The following GALE variants were observed in gnomAD, a reference collection of about 807,000 sequenced individuals.
GALE encodes the protein UDP-galactose-4-epimerase, also known as UDP-glucose 4-epimerase.
A neutral mutation model predicts 44.1 loss-of-function variants in GALE; 32 were observed. The observed-to-expected ratio is 0.73, with a 90% CI of 0.55 to 0.97. The LOEUF is 0.97. GALE is among the 50% of genes least tolerant of loss of function. The probability of loss-of-function intolerance (pLI) is 0.00; values close to 1 mark genes in which losing one functional copy is unlikely to be tolerated. For missense variants in GALE, 423 were observed against 455.6 expected, an observed-to-expected ratio of 0.93 and a Z score of 0.65; for synonymous variants, 182 against 183.5, an observed-to-expected ratio of 0.99 and a Z score of 0.06.
chr1:23,797,314 G>T (rs1638990761), intron 6 of GALE, among the ~76,000 whole-genome samples, 167 bp from the exon 7 acceptor site: 1 of 152,138 alleles, frequency 6.6e-6, no homozygotes, highest in African/African-American at 2.4e-5. Context: ...TGCCTTCCAG[G>T]TTCAAGCAAT....
intron 1 of GALE, 86 bp from the exon 2 acceptor site, chr1:23,799,522 G>A (rs1639065218): frequency 4.7e-6 from 1 of 213,112 alleles, no homozygotes; most frequent in African/African-American, 2.3e-5. Flanking sequence ...CTTGTCCAAT[G>A]CCTCCGCCTT....
In GALE at chr1:23,795,630, A is replaced by T. The variant is rs916230731; in HGVS notation, c.*319T>A. ...GTAAGAAAACTTGTTTTTATTTTTA[A>T]ATACTTTGGAAAGCTCTTTCAGAGC... On this transcript the variant is annotated 3_prime_UTR_variant, in exon 12 of 12. Coordinates refer to ENST00000617979, the MANE Select transcript of GALE (RefSeq NM_001008216.2). The T allele has an allele frequency of 6.2e-6, 3 of 484,952 alleles. No individual in the cohort carries two copies. Among genetic ancestry groups the T allele is most frequent in the African/African-American group, 5.8e-5 (3 of 51,608 alleles). 30.0% of individuals were successfully genotyped at this position (484,952 alleles called of 1,614,324 possible).
Position 23,795,715 on chromosome 1 carries a change from C to A in GALE, c.*234G>T, listed in dbSNP as rs572388199. 6 of 601,638 alleles carry A rather than the reference C, an allele frequency of 1.0e-5. No individual in the cohort carries two copies. The highest frequency in any genetic ancestry group is 4.4e-4 in the Middle Eastern group (1 of 2,270). 37.3% of individuals were successfully genotyped at this position (601,638 alleles called of 1,614,324 possible). ...TGCCAGAGCCTTGCCCCCTCACTCACTCTTGGGGGTCCTGATGAACTCTTG... is the reference window on the plus strand; with the variant it reads ...TGCCAGAGCCTTGCCCCCTCACTCAATCTTGGGGGTCCTGATGAACTCTTG... On this transcript the variant is annotated 3_prime_UTR_variant, in exon 12 of 12. Coordinates refer to ENST00000617979, the MANE Select transcript of GALE (RefSeq NM_001008216.2).
At position 23,796,766 on chromosome 1, in the gene GALE, G is replaced by C; in HGVS notation, c.726C>G (p.Ile242Met). ...TEDGTGVRDY[I>M]HVVDLAKGHI... ...GGCCCTTGGCCAGATCCACGACATGGATGTAATCCCGGACACCTGCAGAGA... is the reference window on the plus strand; with the variant it reads ...GGCCCTTGGCCAGATCCACGACATGCATGTAATCCCGGACACCTGCAGAGA... The change falls in exon 9 of 12, where the codon ATC (isoleucine) becomes ATG (methionine). Residue 242 changes from isoleucine (I) to methionine (M), a missense_variant. Transcript: ENST00000617979. This position sits in a 1 kb window ranked among gnomAD's most constrained non-coding sequence, Gnocchi z 5.2. 2 of 1,611,676 alleles carry C rather than the reference G, an allele frequency of 1.2e-6. No individual in the cohort carries two copies.
Position 23,797,800 on chromosome 1 carries a change from G to A in GALE, c.423C>T (p.Tyr141=), listed in dbSNP as rs138518245. The A allele has an allele frequency of 4.3e-4, 687 of 1,614,162 alleles. 1 individual carries two copies. The highest frequency in any genetic ancestry group is 5.2e-4 in the Non-Finnish European group (614 of 1,179,984). Residue 141 remains tyrosine, a synonymous_variant, in exon 6 of 12, where the codon TAC becomes TAT. Transcript: ENST00000617979. ...TGGGGTGGGCCTCATCAAGGGGCAGGTACTGGGGGTTCCCGTACACAGTGG... is the reference window on the plus strand; with the variant it reads ...TGGGGTGGGCCTCATCAAGGGGCAGATACTGGGGGTTCCCGTACACAGTGG... ...SSATVYGNPQ[Y]LPLDEAHPTG...
Position 23,798,498 on chromosome 1 carries a change from G to T in GALE, c.237+117C>A. 1.3e-6 allele frequency: 1 copy of T among 788,858 alleles called. No individual in the cohort carries two copies. Among genetic ancestry groups the T allele is most frequent in the Non-Finnish European group, 2.2e-6 (1 of 456,626 alleles). 48.9% of individuals were successfully genotyped at this position (788,858 alleles called of 1,614,324 possible). A position where few individuals can be genotyped will look rare whatever the true frequency, so the allele number is the denominator to read the frequency against. On this transcript the variant is annotated intron_variant, in intron 4 of 11. Coordinates refer to ENST00000617979, the MANE Select transcript of GALE (RefSeq NM_001008216.2). The surrounding 1 kb of genome is among the most constrained non-coding windows in gnomAD (Gnocchi z 4.5). ...TTTTGTATTTTTCTGTAGAGATGGGGTTTCACTGTGTTGAGCAGGCTGGTC... is the reference window on the plus strand; with the variant it reads ...TTTTGTATTTTTCTGTAGAGATGGGTTTTCACTGTGTTGAGCAGGCTGGTC...
intron 6 of GALE, 85 bp from the exon 7 acceptor site, chr1:23,797,232 GT>G: frequency 4.2e-6 from 4 of 957,016 alleles, no homozygotes; most frequent in Non-Finnish European, 4.9e-6. Context: ...TGCCTATTCT[GT>G]TTTTTTGAGA....
Position 23,796,757 on chromosome 1 carries a change from C to T in GALE, c.735G>A (p.Val245=). The change falls in exon 9 of 12, where the codon GTG becomes GTA. Residue 245 remains valine, a synonymous_variant. Coordinates refer to ENST00000617979, the MANE Select transcript of GALE (RefSeq NM_001008216.2). The surrounding 1 kb of genome is among the most constrained non-coding windows in gnomAD (Gnocchi z 5.2). ...CTGCAATGTGGCCCTTGGCCAGATC[C>T]ACGACATGGATGTAATCCCGGACAC... ...GTGVRDYIHV[V]DLAKGHIAAL... is the part of the protein sequence containing the mutation. 1 of 1,611,996 alleles carries T rather than the reference C, an allele frequency of 6.2e-7. No homozygotes were observed. Among genetic ancestry groups the T allele is most frequent in the Non-Finnish European group, 8.5e-7 (1 of 1,178,976 alleles).
rs1451189843 is a variant in GALE at position 23,798,274 on chromosome 1, C to T, written c.238-44G>A. The stretch of plus-strand genomic sequence containing the variant: ...CAGAGGTTGCTCTACTGGTTTTAGT[C>T]CTTGGCAATGCCCTCAGCCTGCCTG... On this transcript the variant is annotated intron_variant, in intron 4 of 11. Transcript: ENST00000617979. The surrounding 1 kb of genome is among the most constrained non-coding windows in gnomAD (Gnocchi z 4.5). 7.1e-7 allele frequency: 1 copy of T among 1,404,816 alleles called. No homozygotes were observed. The allele number at this position is 1,404,816 out of a possible 1,614,324, so 87.0% of individuals were successfully genotyped here. A position where few individuals can be genotyped will look rare whatever the true frequency, so the allele number is the denominator to read the frequency against.
intron 1 of GALE, chr1:23,800,505 G>A (rs1318610857): frequency 6.6e-6 from 1 of 152,480 alleles, no homozygotes; most frequent in Non-Finnish European, 1.5e-5. Context: ...GTAGCGCGGA[G>A]CGGGGCCGAG....
At position 23,798,766 on chromosome 1, in the gene GALE, T is replaced by C. The variant is rs766760839; in HGVS notation, c.122-36A>G. The C allele has an allele frequency of 1.9e-6, 3 of 1,605,986 alleles. No homozygotes were observed. The highest frequency in any genetic ancestry group is 2.6e-6 in the Non-Finnish European group (3 of 1,172,658). ...ACATGTAGGCCACATCATCACGACA[T>C]GGGGTGCTGTGTTCCCAGGGACTAG... On this transcript the variant is annotated intron_variant, in intron 3 of 11. Coordinates refer to ENST00000617979, the MANE Select transcript of GALE (RefSeq NM_001008216.2). This position sits in a 1 kb window ranked among gnomAD's most constrained non-coding sequence, Gnocchi z 4.5.
Position 23,798,719 on chromosome 1 carries a change from G to A in GALE, c.133C>T (p.Leu45=). 6.2e-7 allele frequency: 1 copy of A among 1,613,952 alleles called. No homozygotes were observed. The highest frequency in any genetic ancestry group is 8.5e-7 in the Non-Finnish European group (1 of 1,179,848). The change falls in exon 4 of 12, where the codon CTG becomes TTG. Residue 45 remains leucine (L), a synonymous_variant. Coordinates refer to ENST00000617979, the MANE Select transcript of GALE (RefSeq NM_001008216.2). This position sits in a 1 kb window ranked among gnomAD's most constrained non-coding sequence, Gnocchi z 4.5. ...TGGACCCGCCGCAGGCTCTCAGGCA[G>A]GGAGCCCCCTCCTGGTAGGGTACAT... ...FHNAFRGGGS[L]PESLRRVQEL...
Position 23,798,935 on chromosome 1 carries a change from C to G in GALE, c.73G>C (p.Ala25Pro). 1 of 1,614,212 alleles carries G rather than the reference C, an allele frequency of 6.2e-7. No individual in the cohort carries two copies. Among genetic ancestry groups the G allele is most frequent in the Non-Finnish European group, 8.5e-7 (1 of 1,180,046 alleles). The change falls in exon 3 of 12, where the codon GCT (alanine) becomes CCT (proline). Residue 25 changes from alanine (A) to proline (P), a missense_variant. Coordinates refer to ENST00000617979, the MANE Select transcript of GALE (RefSeq NM_001008216.2). This position sits in a 1 kb window ranked among gnomAD's most constrained non-coding sequence, Gnocchi z 4.5. ...GSHTVLELLEAGYLPVVIDNF... is the reference protein window; with the variant it reads ...GSHTVLELLEPGYLPVVIDNF... The stretch of plus-strand genomic sequence containing the variant: ...TCGATGACCACAGGCAAGTAGCCAG[C>G]CTCCAGCAGCTCCAGCACCGTGTGG...
chr1:23,796,080 TGGGTGGGCATGCCCAGA>T lies in GALE; in HGVS notation c.988+54_988+70del. 6.4e-7 allele frequency: 1 copy of T among 1,559,696 alleles called. No individual in the cohort carries two copies. The highest frequency in any genetic ancestry group is 8.8e-7 in the Non-Finnish European group (1 of 1,131,344). On this transcript the variant is annotated intron_variant, in intron 11 of 11. Coordinates refer to ENST00000617979, the MANE Select transcript of GALE (RefSeq NM_001008216.2). The surrounding 1 kb of genome is among the most constrained non-coding windows in gnomAD (Gnocchi z 5.2). ...GCCTCCCCCACCCCACAGCCCGCCCTGGGTGGGCATGCCCAGATCTGATTTAGCCCCTCCCTGGCCCC... is the reference window on the plus strand; with the variant it reads ...GCCTCCCCCACCCCACAGCCCGCCCTTCTGATTTAGCCCCTCCCTGGCCCC...
Position 23,796,495 on chromosome 1 carries a change from GC to G in GALE, c.873+13del, listed in dbSNP as rs749620338. ...GGGTGAGGTGGGTGAGGTGGGTGGGGCGGGGGGGCCTACCTTCTTCCCAGAG... is the reference window on the plus strand; with the variant it reads ...GGGTGAGGTGGGTGAGGTGGGTGGGGGGGGGGGCCTACCTTCTTCCCAGAG... On this transcript the variant is annotated intron_variant, in intron 10 of 11. Coordinates refer to ENST00000617979, the MANE Select transcript of GALE (RefSeq NM_001008216.2). This position sits in a 1 kb window ranked among gnomAD's most constrained non-coding sequence, Gnocchi z 5.2. 16 of 1,605,304 alleles carry G rather than the reference GC, an allele frequency of 1.0e-5. No homozygotes were observed. Among genetic ancestry groups the G allele is most frequent in the African/African-American group, 2.7e-5 (2 of 73,868 alleles).
In GALE at chr1:23,797,846, T is replaced by G. The variant is rs1570633153; in HGVS notation, c.377A>C (p.Asn126Thr). 6.2e-7 allele frequency: 1 copy of G among 1,614,150 alleles called. No individual in the cohort carries two copies. The highest frequency in any genetic ancestry group is 1.1e-5 in the South Asian group (1 of 91,082). The part of the protein sequence containing the change: ...LEIMKAHGVK[N>T]LVFSSSATVY... Reference sequence around the variant, plus strand: ...AGTGGCTGAGCTGCTGAACACCAGGTTCTTCACCCCGTGGGCCTTCATGAT... The same window carrying G: ...AGTGGCTGAGCTGCTGAACACCAGGGTCTTCACCCCGTGGGCCTTCATGAT... The change falls in exon 6 of 12, where the codon AAC (asparagine) becomes ACC (threonine). Residue 126 changes from asparagine to threonine, a missense_variant. Coordinates refer to ENST00000617979, the MANE Select transcript of GALE (RefSeq NM_001008216.2).
chr1:23,797,624 C>T (rs923434667), intron 6 of GALE, 71 bp downstream of exon 6: 2 of 1,486,438 alleles, frequency 1.3e-6, no homozygotes, highest in Non-Finnish European at 1.9e-6. Flanking sequence ...GAATCCCACC[C>T]CTGGGCTCAG....
rs1347799778 is a variant in GALE at position 23,798,445 on chromosome 1, C to T, written c.237+170G>A. On this transcript the variant is annotated intron_variant, in intron 4 of 11. Coordinates refer to ENST00000617979, the MANE Select transcript of GALE (RefSeq NM_001008216.2). The surrounding 1 kb of genome is among the most constrained non-coding windows in gnomAD (Gnocchi z 4.5). ...CCAGCCTCCCGAGTAGCTGGGACCACAGGTATGGGCTACCATGCCCAGCTA... is the reference window on the plus strand; with the variant it reads ...CCAGCCTCCCGAGTAGCTGGGACCATAGGTATGGGCTACCATGCCCAGCTA... The T allele has an allele frequency of 2.2e-5, 15 of 691,528 alleles. No individual in the cohort carries two copies. The highest frequency in any genetic ancestry group is 3.3e-5 in the Non-Finnish European group (13 of 390,128). The allele number at this position is 691,528 out of a possible 1,614,324, so 42.8% of individuals were successfully genotyped here.
chr1:23,798,341 G>A lies in GALE; in HGVS notation c.238-111C>T, dbSNP rs1281287270. On this transcript the variant is annotated intron_variant, in intron 4 of 11. Transcript: ENST00000617979. This position sits in a 1 kb window ranked among gnomAD's most constrained non-coding sequence, Gnocchi z 4.5. ...TTTTTTTTTTTGACAGTCTCGCTCT[G>A]TTGTCCAGGCTGGAGTACAGTGGTG... The A allele has an allele frequency of 7.6e-5, 61 of 799,656 alleles. No homozygotes were observed. Among genetic ancestry groups the A allele is most frequent in the Non-Finnish European group, 2.1e-6 (1 of 473,424 alleles). The allele number at this position is 799,656 out of a possible 1,614,324, so 49.5% of individuals were successfully genotyped here.
Sources: allele counts gnomAD v4.1 joint callset (sites outside exome capture counted in the v4.1 genomes callset), GRCh38; gene constraint gnomAD v4.1.1; non-coding constraint Gnocchi (gnomAD v3.1); transcripts MANE v1.5; gene names NCBI Gene and HGNC (gene_info 2026-07-23, HGNC 2026-07-21).